The following ADAM10 variants were observed in gnomAD, a reference collection of about 807,000 sequenced individuals.
ADAM10 encodes ADAM metallopeptidase domain 10.
Under a neutral mutation model 90.1 loss-of-function variants are expected in ADAM10, and 17 were observed. The ratio of observed to expected loss-of-function variants is 0.19; its 90% CI spans 0.13 to 0.28. The LOEUF is 0.28. Ranked by LOEUF, ADAM10 falls within the 10% of genes least tolerant of loss-of-function variation. The pLI, the probability that ADAM10 is intolerant of heterozygous loss-of-function variation, is 1.00. For missense variants in ADAM10, 610 were observed against 914.3 expected (o/e 0.67, Z 4.29); for synonymous variants, 310 against 298.6 (o/e 1.04, Z -0.40).
Position 58,592,105 on chromosome 15 carries a change from G to A in ADAM10, c.*5442C>T, listed in dbSNP as rs1169820585. 2 of 152,180 alleles carry A rather than the reference G, an allele frequency of 1.3e-5. No individual in the cohort carries two copies. The highest frequency in any genetic ancestry group is 4.8e-5 in the African/African-American group (2 of 41,436). The allele number at this position is 152,180 out of a possible 1,614,324, so 9.4% of individuals were successfully genotyped here. A position where few individuals can be genotyped will look rare whatever the true frequency, so the allele number is the denominator to read the frequency against. On this transcript the variant is annotated 3_prime_UTR_variant, in exon 16 of 16. Coordinates refer to ENST00000260408, the MANE Select transcript of ADAM10 (RefSeq NM_001110.4). ...CCCCTGTATTTCTAATGAAGGGGTA[G>A]TTAGATCAGGAGGCTTCATCATGAT...
Position 58,679,291 on chromosome 15 carries a change from G to C in ADAM10, c.326-9C>G. 3 of 1,613,342 alleles carry C rather than the reference G, an allele frequency of 1.9e-6. No homozygotes were observed. Among genetic ancestry groups the C allele is most frequent in the Non-Finnish European group, 2.5e-6 (3 of 1,179,686 alleles). On this transcript the variant is annotated splice_polypyrimidine_tract_variant and intron_variant, in intron 3 of 15. Coordinates refer to ENST00000260408, the MANE Select transcript of ADAM10 (RefSeq NM_001110.4). The stretch of plus-strand genomic sequence containing the variant: ...AAAACTTCCTTCTTCACCTATTAAT[G>C]AAAGCAACAAATTCTTGACAATTTA...
chr15:58,643,590 T>C (rs1434906040), intron 7 of ADAM10, among the ~76,000 whole-genome samples: 6 of 152,206 alleles, frequency 3.9e-5, no homozygotes, highest in South Asian at 2.1e-4. Flanking sequence ...GCCATAGTTA[T>C]TGAAGGGTCA....
At chr15:58,745,184 A>G (rs1384361580) in intron 1 of ADAM10, among the ~76,000 whole-genome samples, 4 of 152,238 alleles carry the variant, frequency 2.6e-5, no homozygotes, top group African/African-American at 9.6e-5. Context: ...TTCCATCTCA[A>G]AAAAATAAAA....
At chr15:58,599,754 A>T (rs939069913) in intron 14 of ADAM10, 30 bp from the exon 15 acceptor site, 1 of 1,606,706 alleles carries the variant, frequency 6.2e-7, no homozygotes, top group Non-Finnish European at 8.5e-7. Flanking sequence ...TCCACTGAAA[A>T]AAAAAAAACT....
intron 11 of ADAM10, among the ~76,000 whole-genome samples, chr15:58,613,025 C>G (rs557895332): frequency 1.3e-5 from 2 of 152,302 alleles, no homozygotes; most frequent in African/African-American, 4.8e-5. Context: ...TCAGACCTGA[C>G]ACCAAGAGGG....
intron 1 of ADAM10, among the ~76,000 whole-genome samples, chr15:58,724,633 G>C (rs1898968603): frequency 6.6e-6 from 1 of 152,194 alleles, no homozygotes; most frequent in Non-Finnish European, 1.5e-5. Context: ...TGTCAGAAAG[G>C]AGGAAGCTGA....
rs568277584 is a variant in ADAM10, at chr15:58,686,428, C to T, written c.207-4114G>A. ...CCGCCACCATGTCCTCTGGGGCTAG[C>T]GCGAGCGCCCTGCAGTGCCTGGTGG... On this transcript the variant is annotated intron_variant, in intron 2 of 15. Transcript: ENST00000260408. The T allele has an allele frequency of 2.2e-4, 298 of 1,335,260 alleles. 1 individual carries two copies. Among genetic ancestry groups the T allele is most frequent in the Middle Eastern group, 1.8e-3 (10 of 5,414 alleles). The allele number at this position is 1,335,260 out of a possible 1,614,324, so 82.7% of individuals were successfully genotyped here.
chr15:58,659,828 A>T (rs1448106234), intron 5 of ADAM10, among the ~76,000 whole-genome samples: 1 of 152,120 alleles, frequency 6.6e-6, no homozygotes, highest in East Asian at 1.9e-4. Context: ...TCCTGGATTC[A>T]TGCCATTCTC....
intron 8 of ADAM10, among the ~76,000 whole-genome samples, chr15:58,638,032 C>T (rs1246592888): frequency 1.3e-5 from 2 of 152,032 alleles, no homozygotes; most frequent in Non-Finnish European, 2.9e-5. Flanking sequence ...AGGCAGGTAA[C>T]CTACACTCGA....
chr15:58,599,515 A>T, intron 15 of ADAM10, 83 bp downstream of exon 15: 1 of 1,449,334 alleles, frequency 6.9e-7, no homozygotes. Context: ...AACATTAGTT[A>T]CTACAGACTC....
chr15:58,622,522 A>G (rs867854231), intron 10 of ADAM10, among the ~76,000 whole-genome samples: 42 of 152,192 alleles, frequency 2.8e-4, no homozygotes, highest in Admixed American at 2.0e-3. Flanking sequence ...CCCACATTCT[A>G]TTTAGCTGAT....
At chr15:58,642,768 T>C (rs1205685421) in intron 7 of ADAM10, among the ~76,000 whole-genome samples, 2 of 152,228 alleles carry the variant, frequency 1.3e-5, no homozygotes, top group Non-Finnish European at 2.9e-5. Flanking sequence ...GCAACACTTA[T>C]ACCTCTTATC....
At chr15:58,657,890 T>TTG (rs1465065768) in intron 5 of ADAM10, among the ~76,000 whole-genome samples, 1 of 150,256 alleles carries the variant, frequency 6.7e-6, no homozygotes, top group African/African-American at 2.4e-5. Flanking sequence ...GGGTTTGTGT[T>TTG]TTTTTTTTTT....
Position 58,665,090 on chromosome 15 carries a change from T to A in ADAM10, c.585+7A>T, listed in dbSNP as rs751503619. 2 of 1,589,912 alleles carry A rather than the reference T, an allele frequency of 1.3e-6. No individual in the cohort carries two copies. The highest frequency in any genetic ancestry group is 1.7e-6 in the Non-Finnish European group (2 of 1,158,230). ...TCCTAAATGCAAGCTAGTGTTAAAA[T>A]CCTTACCTGTGTTACTTCCTCTACA... On this transcript the variant is annotated splice_region_variant and intron_variant, in intron 5 of 15. Coordinates refer to ENST00000260408, the MANE Select transcript of ADAM10 (RefSeq NM_001110.4).
At chr15:58,700,762 C>T (rs1336710559) in intron 2 of ADAM10, among the ~76,000 whole-genome samples, 1 of 151,936 alleles carries the variant, frequency 6.6e-6, no homozygotes, top group African/African-American at 2.4e-5. Flanking sequence ...TGCCTGAAAG[C>T]CCAGCACCCT....
At chr15:58,660,724 A>G (rs1896946732) in intron 5 of ADAM10, among the ~76,000 whole-genome samples, 1 of 152,094 alleles carries the variant, frequency 6.6e-6, no homozygotes, top group African/African-American at 2.4e-5. Flanking sequence ...GATTTATTTT[A>G]TTAACATGTT....
At chr15:58,736,489 T>TA (rs1899434939) in intron 1 of ADAM10, among the ~76,000 whole-genome samples, 1 of 152,102 alleles carries the variant, frequency 6.6e-6, no homozygotes, top group African/African-American at 2.4e-5. Flanking sequence ...AATTTGAACA[T>TA]CTCCACACTT....
At chr15:58,615,267 C>T (rs941383355) in intron 11 of ADAM10, among the ~76,000 whole-genome samples, 4 of 124,414 alleles carry the variant, frequency 3.2e-5, no homozygotes, top group Admixed American at 8.5e-5. Flanking sequence ...GAGCAAGAGT[C>T]CGTCTGAAGA....
At chr15:58,730,308 G>A (rs1555422758) in intron 1 of ADAM10, among the ~76,000 whole-genome samples, 1 of 152,206 alleles carries the variant, frequency 6.6e-6, no homozygotes, top group Non-Finnish European at 1.5e-5. Context: ...AAGAAGGGTT[G>A]GCAAACTGTT....
Sources: gnomAD v4.1 joint callset for allele counts (sites outside exome capture counted in the v4.1 genomes callset) on GRCh38, gnomAD v4.1.1 for gene constraint, MANE v1.5 for transcripts, NCBI Gene and HGNC (gene_info 2026-07-23, HGNC 2026-07-21) for gene names.